Variants in TTN observed in about 807,000 individuals in gnomAD.
TTN encodes the protein titin.
A neutral mutation model predicts 3,223.0 loss-of-function variants in TTN; 1,525 were observed. The observed-to-expected ratio is 0.47, with a 90% CI of 0.45 to 0.49. TTN has a LOEUF of 0.49. TTN is among the 20% of genes least tolerant of loss of function. TTN has a pLI of 0.00. For synonymous variants in TTN, 14,094 were observed against 15,161.0 expected (o/e 0.93, Z 5.17); for missense variants, 40,786 against 43,424.0 (o/e 0.94, Z 5.40).
chr2:178,576,640 T>C lies in TTN; in HGVS notation c.69604A>G (p.Thr23202Ala), dbSNP rs2046496039. 1.2e-6 allele frequency: 2 copies of C among 1,613,490 alleles called. No individual in the cohort carries two copies. Among genetic ancestry groups the C allele is most frequent in the African/African-American group, 1.3e-5 (1 of 74,902 alleles). The change falls in exon 325 of 363, where the codon ACA (threonine) becomes GCA (alanine). Residue 23202 changes from threonine to alanine, a missense_variant. Physicochemically the swap from Thr to Ala is moderately conservative, Grantham distance 58 (BLOSUM62 0). Coordinates refer to ENST00000589042, the MANE Select transcript of TTN (RefSeq NM_001267550.2). This position sits in a 1 kb window ranked among gnomAD's most constrained non-coding sequence, Gnocchi z 4.3. ...TAGGTGCTTCCTTCTTGCAGTCCTG[T>C]TACTTTGCACCTGAGATCGGAAACT... ...TPVSDLRCKV[T>A]GLQEGSTYEF...
rs1281805833 is a variant in TTN at position 178,626,553 on chromosome 2, A to G, written c.44425-1157T>C. On this transcript the variant is annotated intron_variant, in intron 240 of 362. Coordinates refer to ENST00000589042, the MANE Select transcript of TTN (RefSeq NM_001267550.2). ...TTGTTATGCTAGTGTAAAGAAAAGA[A>G]TCAGAAATAAGGTTTCATCTAAAAG... is the stretch of plus-strand genomic sequence containing the variant. 5.3e-5 allele frequency among the ~76,000 whole-genome samples: 8 copies of G among 152,120 alleles called. No homozygotes were observed. The East Asian group carries it at 1.6e-3, about 30-fold the overall frequency.
rs373948797 is a variant in TTN, at chr2:178,565,359, T to C, written c.80773A>G (p.Arg26925Gly). The C allele has an allele frequency of 6.2e-7, 1 of 1,613,512 alleles. No homozygotes were observed. Among genetic ancestry groups the C allele is most frequent in the African/African-American group, 1.3e-5 (1 of 74,910 alleles). The change falls in exon 326 of 363, where the codon AGA becomes GGA. Residue 26925 changes from arginine to glycine, a missense_variant. Arg to Gly is a moderately radical substitution (Grantham distance 125). Transcript: ENST00000589042. The stretch of plus-strand genomic sequence containing the variant: ...GTAGCTGTTTCTTCAACGTTTACTC[T>C]TGTTGTCTGTTTAAGAGGCTCACCA... Reference protein sequence around the residue: ...KDGEPLKQTTRVNVEETATST... With the variant: ...KDGEPLKQTTGVNVEETATST...
rs1560705548 is a variant in TTN at position 178,723,525 on chromosome 2, G to A, written c.21575C>T (p.Ala7192Val). 1 of 1,613,306 alleles carries A rather than the reference G, an allele frequency of 6.2e-7. No homozygotes were observed. Among genetic ancestry groups the A allele is most frequent in the East Asian group, 2.2e-5 (1 of 44,796 alleles). The change falls in exon 74 of 363, where the codon GCA becomes GTA. Residue 7192 changes from alanine to valine, a missense_variant. Ala to Val is a moderately conservative substitution (Grantham distance 64, BLOSUM62 0). Transcript: ENST00000589042. Reference protein sequence around the residue: ...RCNIYFEDTVAELELFNIDIS... With the variant: ...RCNIYFEDTVVELELFNIDIS... The stretch of plus-strand genomic sequence containing the variant: ...GTCAATATTAAATAATTCCAGTTCT[G>A]CCACAGTGTCTTCAAAATAGATGTT...
rs189966800 is a variant in TTN at position 178,671,134 on chromosome 2, T to A, written c.35264A>T (p.Lys11755Ile). The change falls in exon 156 of 363, where the codon AAA (lysine) becomes ATA (isoleucine). Residue 11755 changes from lysine to isoleucine, a missense_variant. Coordinates refer to ENST00000589042, the MANE Select transcript of TTN (RefSeq NM_001267550.2). Reference sequence around the variant, plus strand: ...TCGAGGAACAACTTTAGTGGGCGGTTTTTTTGGAGGGATGATTTTCTCAGA... The same window carrying A: ...TCGAGGAACAACTTTAGTGGGCGGTATTTTTGGAGGGATGATTTTCTCAGA... ...EISEKIIPPK[K>I]PPTKVVPRKE... The A allele has an allele frequency of 1.2e-6, 2 of 1,604,354 alleles. No individual in the cohort carries two copies. Among genetic ancestry groups the A allele is most frequent in the Admixed American group, 1.7e-5 (1 of 58,400 alleles).
In TTN at chr2:178,709,751, A is replaced by G. The variant is rs2076388321; in HGVS notation, c.28568T>C (p.Ile9523Thr). 5 of 1,613,796 alleles carry G rather than the reference A, an allele frequency of 3.1e-6. No individual in the cohort carries two copies. Among genetic ancestry groups the G allele is most frequent in the Non-Finnish European group, 4.2e-6 (5 of 1,179,842 alleles). ...LEGRVAGSQP[I>T]TVAWYKNNIE... ...ATTATTTTTGTACCAGGCAACAGTT[A>G]TAGGTTGGGAACCAGCCACACGTCC... Residue 9523 changes from isoleucine (I) to threonine (T), a missense_variant, in exon 99 of 363, where the codon ATA becomes ACA. Ile to Thr is a moderately conservative substitution (Grantham distance 89). Coordinates refer to ENST00000589042, the MANE Select transcript of TTN (RefSeq NM_001267550.2).
intron 222 of TTN, 31 bp downstream of exon 222, chr2:178,640,017 T>A: frequency 6.2e-7 from 1 of 1,609,588 alleles, no homozygotes; most frequent in Non-Finnish European, 8.5e-7. Flanking sequence ...AGAAAGAATA[T>A]GCTGTTGACA....
In TTN at chr2:178,646,107, TATATATATATATATATATATA is replaced by T. The variant is rs1560056255; in HGVS notation, c.40298-98_40298-78del. 7.6e-4 allele frequency: 65 copies of T among 85,284 alleles called. 3 individuals carry two copies. The highest frequency in any genetic ancestry group is 7.0e-3 in the Admixed American group (56 of 8,016). 5.3% of individuals were successfully genotyped at this position (85,284 alleles called of 1,614,324 possible). A position where few individuals can be genotyped will look rare whatever the true frequency, so the allele number is the denominator to read the frequency against. On this transcript the variant is annotated intron_variant, in intron 216 of 362. Transcript: ENST00000589042. ...TATGTAGTATATTTAATAGAAATTA[TATATATATATATATATATATA>T]TATATATATATATATATATGAAGTA...
At chr2:178,750,509 A>G in intron 47 of TTN, 3 of 1,612,802 alleles carry the variant, frequency 1.9e-6, no homozygotes, top group East Asian at 2.2e-5. Context: ...AAAATGACAC[A>G]CAAAATTACA....
chr2:178,768,044 T>C lies in TTN; in HGVS notation c.9275A>G (p.Lys3092Arg). The C allele has an allele frequency of 6.8e-6, 11 of 1,614,158 alleles. No individual in the cohort carries two copies. The highest frequency in any genetic ancestry group is 9.3e-6 in the Non-Finnish European group (11 of 1,180,016). ...SEPDITVQWMKDDQELQITDR... is the reference protein window; with the variant it reads ...SEPDITVQWMRDDQELQITDR... ...TGTGATCTGCAGTTCCTGGTCATCT[T>C]TCATCCACTGTACAGTGATGTCAGG... Residue 3092 changes from lysine (K) to arginine (R), a missense_variant, in exon 39 of 363, where the codon AAA (lysine) becomes AGA (arginine). Transcript: ENST00000589042.
intron 40 of TTN, among the ~76,000 whole-genome samples, chr2:178,767,488 G>T (rs1277563382): frequency 6.6e-6 from 1 of 152,190 alleles, no homozygotes; most frequent in Non-Finnish European, 1.5e-5. Context: ...GGTTGGTGCT[G>T]CTTGGCAAGC....
At position 178,544,292 on chromosome 2, in the gene TTN, C is replaced by T; in HGVS notation, c.95937G>A (p.Gln31979=). The T allele has an allele frequency of 1.2e-6, 2 of 1,613,820 alleles. No individual in the cohort carries two copies. Among genetic ancestry groups the T allele is most frequent in the Non-Finnish European group, 1.7e-6 (2 of 1,179,760 alleles). ...EFTVPDLKMG[Q]KYSFRVAAVN... is the part of the protein sequence containing the mutation. Reference sequence around the variant, plus strand: ...CGGCAGCAACTCTGAAGGAATATTTCTGGCCCATTTTAAGGTCTGGCACAG... The same window carrying T: ...CGGCAGCAACTCTGAAGGAATATTTTTGGCCCATTTTAAGGTCTGGCACAG... Residue 31979 remains glutamine, a synonymous_variant, in exon 345 of 363, where the codon CAG becomes CAA. Transcript: ENST00000589042.
rs2049747701 is a variant in TTN at position 178,589,413 on chromosome 2, A to C, written c.62312T>G (p.Leu20771Arg). The change falls in exon 304 of 363, where the codon CTT (leucine) becomes CGT (arginine). Residue 20771 changes from leucine to arginine, a missense_variant. Coordinates refer to ENST00000589042, the MANE Select transcript of TTN (RefSeq NM_001267550.2). Reference protein sequence around the residue: ...VVKEDLQKPVLDLKLSGVLTV... With the variant: ...VVKEDLQKPVRDLKLSGVLTV... ...TAGGACCCCACTTAATTTCAGATCA[A>C]GTACTGGTTTTTGTAAGTCTTCTTT... is the stretch of plus-strand genomic sequence containing the variant. The C allele has an allele frequency of 6.2e-7, 1 of 1,613,296 alleles. No homozygotes were observed. The highest frequency in any genetic ancestry group is 1.3e-5 in the African/African-American group (1 of 74,872).
At chr2:178,754,857 C>T (rs567439587) in intron 46 of TTN, among the ~76,000 whole-genome samples, 1 of 152,280 alleles carries the variant, frequency 6.6e-6, no homozygotes, top group South Asian at 2.1e-4. Flanking sequence ...AATAAGACCT[C>T]TTTTTGGTGA....
rs1576715259 is a variant in TTN at position 178,634,309 on chromosome 2, A to G, written c.42415+57T>C. 1 of 1,563,896 alleles carries G rather than the reference A, an allele frequency of 6.4e-7. No homozygotes were observed. Among genetic ancestry groups the G allele is most frequent in the Non-Finnish European group, 8.6e-7 (1 of 1,164,832 alleles). On this transcript the variant is annotated intron_variant, in intron 230 of 362. Coordinates refer to ENST00000589042, the MANE Select transcript of TTN (RefSeq NM_001267550.2). The surrounding 1 kb of genome is among the most constrained non-coding windows in gnomAD (Gnocchi z 4.6). ...TTTTAGAACTTGGCGTCCTATCTTT[A>G]AAGTCATATATTTGCATGCCTTTAT...
rs767660102 is a variant in TTN, at chr2:178,540,258, C to G, written c.97908G>C (p.Leu32636Phe). 1 of 1,613,828 alleles carries G rather than the reference C, an allele frequency of 6.2e-7. No individual in the cohort carries two copies. Among genetic ancestry groups the G allele is most frequent in the Non-Finnish European group, 8.5e-7 (1 of 1,179,778 alleles). ...GTTGATCTACTTTTTGCATTTCAAT[C>G]AAGTAGCCTGTGACTTTAGATCCTC... The part of the protein sequence containing the change: ...DEGGSKVTGY[L>F]IEMQKVDQHE... Residue 32636 changes from leucine to phenylalanine, a missense_variant, in exon 351 of 363, where the codon TTG becomes TTC. Physicochemically the swap from Leu to Phe is conservative, Grantham distance 22 (BLOSUM62 0). Coordinates refer to ENST00000589042, the MANE Select transcript of TTN (RefSeq NM_001267550.2).
chr2:178,798,564 C>A (rs1461409884), intron 6 of TTN: 1 of 152,136 alleles, frequency 6.6e-6, no homozygotes, highest in Non-Finnish European at 1.5e-5. Context: ...TTTCTATTTA[C>A]AAGGCACTTT....
At chr2:178,637,162 T>TATATATATAC (rs1366087584) in intron 224 of TTN, among the ~76,000 whole-genome samples, 30 of 110,574 alleles carry the variant, frequency 2.7e-4, no homozygotes, top group Non-Finnish European at 4.2e-4. Flanking sequence ...TATATATATA[T>TATATATATAC]ATATATATAT....
Position 178,537,125 on chromosome 2 carries a change from C to G in TTN, c.99984G>C (p.Val33328=), listed in dbSNP as rs771349941. The G allele has an allele frequency of 6.2e-7, 1 of 1,613,436 alleles. No individual in the cohort carries two copies. The highest frequency in any genetic ancestry group is 8.5e-7 in the Non-Finnish European group (1 of 1,179,624). ...DGGSWITNYV[V]EKCEAKEGAE... ...CCCCCTCCTTGGCCTCACATTTTTCCACCACATAGTTGGTGATCCAGGAGC... is the reference window on the plus strand; with the variant it reads ...CCCCCTCCTTGGCCTCACATTTTTCGACCACATAGTTGGTGATCCAGGAGC... Residue 33328 remains valine (V), a synonymous_variant, in exon 356 of 363, where the codon GTG becomes GTC. Transcript: ENST00000589042.
chr2:178,605,915 C>A (rs927829390), intron 278 of TTN, among the ~76,000 whole-genome samples: 1 of 151,924 alleles, frequency 6.6e-6, no homozygotes, highest in African/African-American at 2.4e-5. Flanking sequence ...GCAAACTTTT[C>A]ATCAAGATTA....
Sources: allele counts gnomAD v4.1 joint callset (sites outside exome capture counted in the v4.1 genomes callset), GRCh38; gene constraint gnomAD v4.1.1; non-coding constraint Gnocchi (gnomAD v3.1); transcripts MANE v1.5; gene names NCBI Gene and HGNC (gene_info 2026-07-23, HGNC 2026-07-21).